The following CAMKK2 variants were observed in gnomAD, a reference collection of about 807,000 sequenced individuals.
CAMKK2 encodes the protein calcium/calmodulin-dependent protein kinase kinase 2.
CAMKK2 carries 30 observed loss-of-function variants against 67.2 expected under a neutral mutation model. That is an observed-to-expected ratio of 0.45 (90% CI 0.33 to 0.61). The LOEUF is 0.61. Ranked by LOEUF, CAMKK2 falls within the 20% of genes least tolerant of loss-of-function variation. The pLI is 0.02. For missense variants in CAMKK2, 643 were observed against 802.0 expected (o/e 0.80, Z 2.39); for synonymous variants, 322 against 326.2 (o/e 0.99, Z 0.14).
At chr12:121,266,086 C>A (rs1318170288) in intron 5 of CAMKK2, among the ~76,000 whole-genome samples, 4 of 152,054 alleles carry the variant, frequency 2.6e-5, no homozygotes, top group South Asian at 2.1e-4. Flanking sequence ...TGCACACCAC[C>A]ATGCCCAGCT....
In CAMKK2 at chr12:121,245,362, G is replaced by T; in HGVS notation, c.1453-122C>A. 1.5e-6 allele frequency: 1 copy of T among 668,072 alleles called. No homozygotes were observed. Among genetic ancestry groups the T allele is most frequent in the Non-Finnish European group, 2.7e-6 (1 of 367,972 alleles). The allele number at this position is 668,072 out of a possible 1,614,324, so 41.4% of individuals were successfully genotyped here. On this transcript the variant is annotated intron_variant, in intron 14 of 16. Coordinates refer to ENST00000404169, the MANE Select transcript of CAMKK2 (RefSeq NM_001270485.2). This position sits in a 1 kb window ranked among gnomAD's most constrained non-coding sequence, Gnocchi z 5.8. ...CCAGCTCCCAGGGCTGGTGACCGAT[G>T]GCAGACTTTGAGAGAAACTGGGCAG...
rs1901298297 is a variant in CAMKK2 at position 121,296,645 on chromosome 12, C to G, written c.-67G>C. 6.6e-6 allele frequency: 1 copy of G among 151,386 alleles called. No homozygotes were observed. The highest frequency in any genetic ancestry group is 6.6e-5 in the Admixed American group (1 of 15,160). The allele number at this position is 151,386 out of a possible 1,614,324, so 9.4% of individuals were successfully genotyped here. A position where few individuals can be genotyped will look rare whatever the true frequency, so the allele number is the denominator to read the frequency against. On this transcript the variant is annotated 5_prime_UTR_variant, in exon 1 of 17. Coordinates refer to ENST00000404169, the MANE Select transcript of CAMKK2 (RefSeq NM_001270485.2). This position sits in a 1 kb window ranked among gnomAD's most constrained non-coding sequence, Gnocchi z 7.1. ...CGGCTACCGCCAGCTCACCTGGGCT[C>G]CGCGCCGCCGCCGCCTCCCGCGCTC...
rs1382919974 is a variant in CAMKK2, at chr12:121,240,096, T to C, written c.*603A>G. The C allele has an allele frequency of 4.1e-6, 1 of 242,208 alleles. No homozygotes were observed. Among genetic ancestry groups the C allele is most frequent in the Non-Finnish European group, 8.1e-6 (1 of 124,194 alleles). 15.0% of individuals were successfully genotyped at this position (242,208 alleles called of 1,614,324 possible). A position where few individuals can be genotyped will look rare whatever the true frequency, so the allele number is the denominator to read the frequency against. ...ATTAAATTTCAAGCCCTTTCTGTTTTCCTGACTACAATTCTACCCATAAAA... is the reference window on the plus strand; with the variant it reads ...ATTAAATTTCAAGCCCTTTCTGTTTCCCTGACTACAATTCTACCCATAAAA... On this transcript the variant is annotated 3_prime_UTR_variant, in exon 17 of 17. Coordinates refer to ENST00000404169, the MANE Select transcript of CAMKK2 (RefSeq NM_001270485.2). The surrounding 1 kb of genome is among the most constrained non-coding windows in gnomAD (Gnocchi z 4.4).
intron 7 of CAMKK2, among the ~76,000 whole-genome samples, chr12:121,257,706 A>G (rs1892623224): frequency 6.6e-6 from 1 of 152,148 alleles, no homozygotes; most frequent in African/African-American, 2.4e-5. Flanking sequence ...AGTGTGAGTT[A>G]GGGCAGATTT....
Position 121,249,837 on chromosome 12 carries a change from G to T in CAMKK2, c.1273C>A (p.Arg425Ser). The T allele has an allele frequency of 1.2e-6, 2 of 1,614,168 alleles. No individual in the cohort carries two copies. Among genetic ancestry groups the T allele is most frequent in the Non-Finnish European group, 1.7e-6 (2 of 1,180,014 alleles). The part of the protein sequence containing the change: ...IAEDLKDLIT[R>S]MLDKNPESRI... ...GACTCGGGGTTCTTGTCCAGCATAC[G>T]GGTGATCAGGTCCTTCAAGTCCTCA... Residue 425 changes from arginine (R) to serine (S), a missense_variant, in exon 13 of 17, where the codon CGT (arginine) becomes AGT (serine). Physicochemically the swap from Arg to Ser is moderately radical, Grantham distance 110. Around this residue, in one of 3 missense-constraint regions of CAMKK2, gnomAD observed 483 missense variants for 625.8 expected, o/e 0.77. Transcript: ENST00000404169.
intron 6 of CAMKK2, among the ~76,000 whole-genome samples, chr12:121,261,770 T>A (rs933416104): frequency 6.6e-6 from 1 of 152,242 alleles, no homozygotes; most frequent in Non-Finnish European, 1.5e-5. Context: ...GCAATGCCTT[T>A]CCGTGACTTC....
At chr12:121,262,968 A>G (rs1294722362) in intron 6 of CAMKK2, among the ~76,000 whole-genome samples, 1 of 151,492 alleles carries the variant, frequency 6.6e-6, no homozygotes, top group East Asian at 1.9e-4. Context: ...GGGTCTTCAA[A>G]AAAAGTTTTT....
At chr12:121,272,742 T>A (rs1209772522) in intron 2 of CAMKK2, among the ~76,000 whole-genome samples, 1 of 147,874 alleles carries the variant, frequency 6.8e-6, no homozygotes, top group African/African-American at 2.5e-5. Flanking sequence ...GGCATGGTGG[T>A]GCACACCTGT....
intron 1 of CAMKK2, among the ~76,000 whole-genome samples, chr12:121,294,256 G>A (rs1400817120): frequency 6.6e-6 from 1 of 151,814 alleles, no homozygotes; most frequent in South Asian, 2.1e-4. Flanking sequence ...TCTTTATGTC[G>A]TGGCCCTGGC....
In CAMKK2 at chr12:121,240,648, A is replaced by T. The variant is rs1274544188; in HGVS notation, c.*51T>A. On this transcript the variant is annotated 3_prime_UTR_variant, in exon 17 of 17. Transcript: ENST00000404169. The surrounding 1 kb of genome is among the most constrained non-coding windows in gnomAD (Gnocchi z 4.4). The stretch of plus-strand genomic sequence containing the variant: ...TGCTGCTATGGAAACGCGGTGCAGC[A>T]GCCCCCCAGAGGCGACGCGGCGCGC... 4 of 1,544,238 alleles carry T rather than the reference A, an allele frequency of 2.6e-6. No homozygotes were observed. The highest frequency in any genetic ancestry group is 1.2e-5 in the South Asian group (1 of 84,872).
At chr12:121,250,767 C>T (rs1292777522) in intron 11 of CAMKK2, among the ~76,000 whole-genome samples, 2 of 152,194 alleles carry the variant, frequency 1.3e-5, no homozygotes, top group South Asian at 2.1e-4. Flanking sequence ...TGCCTAGGAG[C>T]GTTCCTGCAC....
chr12:121,280,118 A>G (rs1227049362), intron 1 of CAMKK2, among the ~76,000 whole-genome samples: 1 of 152,206 alleles, frequency 6.6e-6, no homozygotes, highest in African/African-American at 2.4e-5. Flanking sequence ...AAATGGGCTC[A>G]GCCAGCCAAA....
chr12:121,293,405 G>A (rs1198231811), intron 1 of CAMKK2, among the ~76,000 whole-genome samples: 1 of 152,178 alleles, frequency 6.6e-6, no homozygotes, highest in Non-Finnish European at 1.5e-5. Context: ...ATAACCACCA[G>A]AAGAAAGTAT....
At chr12:121,248,227 G>A (rs930193504) in intron 14 of CAMKK2, among the ~76,000 whole-genome samples, 6 of 152,210 alleles carry the variant, frequency 3.9e-5, no homozygotes, top group Middle Eastern at 3.2e-3. Flanking sequence ...CACAGCAGAC[G>A]TGAGATATGC....
rs1896459531 is a variant in CAMKK2 at position 121,274,595 on chromosome 12, G to C, written c.-59-10C>G. 8.8e-7 allele frequency: 1 copy of C among 1,134,722 alleles called. No individual in the cohort carries two copies. Among genetic ancestry groups the C allele is most frequent in the Admixed American group, 2.5e-5 (1 of 40,734 alleles). 70.3% of individuals were successfully genotyped at this position (1,134,722 alleles called of 1,614,324 possible). Reference sequence around the variant, plus strand: ...CCGGCAGCGGAGCCACCTGCAGAAAGAGAAAGGGTCAGCTGGCCCAGCTCC... The same window carrying C: ...CCGGCAGCGGAGCCACCTGCAGAAACAGAAAGGGTCAGCTGGCCCAGCTCC... On this transcript the variant is annotated splice_polypyrimidine_tract_variant and intron_variant, in intron 1 of 16. Coordinates refer to ENST00000404169, the MANE Select transcript of CAMKK2 (RefSeq NM_001270485.2).
intron 11 of CAMKK2, among the ~76,000 whole-genome samples, chr12:121,251,964 C>T (rs1008465000): frequency 3.9e-5 from 6 of 152,162 alleles, no homozygotes; most frequent in African/African-American, 1.2e-4. Context: ...CAATGCTACC[C>T]CTCTGACAAA....
chr12:121,297,208 G>C (rs1901459671), upstream of CAMKK2: 1 of 174,986 alleles, frequency 5.7e-6, no homozygotes, highest in Non-Finnish European at 1.2e-5. Context: ...GCGCCTCCGG[G>C]CTGACCCTGG....
chr12:121,242,061 G>C (rs998487333), intron 16 of CAMKK2, among the ~76,000 whole-genome samples: 2 of 152,240 alleles, frequency 1.3e-5, no homozygotes, highest in African/African-American at 4.8e-5. Flanking sequence ...GCCGGGCACA[G>C]TGGCTCATGC....
intron 1 of CAMKK2, among the ~76,000 whole-genome samples, chr12:121,283,531 A>G (rs2136552304): frequency 6.6e-6 from 1 of 152,290 alleles, no homozygotes; most frequent in African/African-American, 2.4e-5. Context: ...GTTCAAAGCT[A>G]TCTGAAGAAG....
Sources: allele counts gnomAD v4.1 joint callset (sites outside exome capture counted in the v4.1 genomes callset), GRCh38; gene constraint gnomAD v4.1.1; regional missense constraint gnomAD v4.1.1; non-coding constraint Gnocchi (gnomAD v3.1); transcripts MANE v1.5; gene names NCBI Gene and HGNC (gene_info 2026-07-23, HGNC 2026-07-21).